CHD9: variants seen among roughly 807,000 people sequenced by gnomAD.
CHD9 encodes the protein ATP-dependent chromatin remodeler CHD9.
A neutral mutation model predicts 316.1 loss-of-function variants in CHD9; 77 were observed. The ratio of observed to expected loss-of-function variants is 0.24; its 90% confidence interval spans 0.20 to 0.29. The LOEUF (loss-of-function observed/expected upper bound fraction) is 0.29. Ranked by LOEUF, CHD9 falls within the 10% of genes least tolerant of loss-of-function variation. CHD9 has a pLI of 1.00. For synonymous variants in CHD9, 1,129 were observed against 1,158.3 expected (o/e 0.97, Z 0.51); for missense variants, 2,763 against 3,438.1 (o/e 0.80, Z 4.91).
intron 1 of CHD9, among the ~76,000 whole-genome samples, 194 bp from the exon 2 acceptor site, chr16:53,155,732 A>G (rs2041474832): frequency 6.6e-6 from 1 of 152,156 alleles, no homozygotes; most frequent in Non-Finnish European, 1.5e-5. Context: ...CACCAGCTCT[A>G]GGTGACCCAC....
intron 1 of CHD9, among the ~76,000 whole-genome samples, chr16:53,125,220 T>TG (rs1555487462): frequency 3.1e-5 from 4 of 128,548 alleles, no homozygotes; most frequent in African/African-American, 1.5e-4. Context: ...AAGTTAGGAT[T>TG]TTTTTTTTTT....
intron 37 of CHD9, chr16:53,321,137 G>A (rs1280166820): frequency 1.2e-6 from 1 of 833,060 alleles, no homozygotes; most frequent in East Asian, 6.2e-5. Context: ...TATGAGGGAA[G>A]TATTATTGTT....
rs543448126 is a variant in CHD9, at chr16:53,097,575, A to G, written c.-165+42498A>G. On this transcript the variant is annotated intron_variant, in intron 1 of 38. Coordinates refer to ENST00000447540, the MANE Select transcript of CHD9 (RefSeq NM_001308319.2). Reference sequence around the variant, plus strand: ...CCACCGTACCTGGTCTGTTGTGTCTATTATTGACCCACAAGGGCAGAGATA... The same window carrying G: ...CCACCGTACCTGGTCTGTTGTGTCTGTTATTGACCCACAAGGGCAGAGATA... Among the ~76,000 whole-genome samples, 15 of 152,188 alleles carry G rather than the reference A, an allele frequency of 9.9e-5. No individual in the cohort carries two copies. In the South Asian group the frequency reaches 2.5e-3, roughly 25 times the overall value.
Position 53,304,397 on chromosome 16 carries a change from A to G in CHD9, c.6391A>G (p.Ser2131Gly), listed in dbSNP as rs2055727315. ...PRVHKRGSESSSDSDSDSERS... is the reference protein window; with the variant it reads ...PRVHKRGSESGSDSDSDSERS... ...AGTCCACAAAAGGGGATCAGAATCT[A>G]GTTCTGATTCTGACTCAGATTCTGA... is the stretch of plus-strand genomic sequence containing the variant. Residue 2131 changes from serine to glycine, a missense_variant, in exon 31 of 39, where the codon AGT becomes GGT. Ser to Gly is a moderately conservative substitution (Grantham distance 56). Coordinates refer to ENST00000447540, the MANE Select transcript of CHD9 (RefSeq NM_001308319.2). The G allele has an allele frequency of 6.2e-7, 1 of 1,610,676 alleles. No homozygotes were observed. Among genetic ancestry groups the G allele is most frequent in the East Asian group, 2.2e-5 (1 of 44,810 alleles).
intron 12 of CHD9, among the ~76,000 whole-genome samples, chr16:53,241,202 C>G (rs939545817): frequency 6.6e-6 from 1 of 152,076 alleles, no homozygotes; most frequent in Non-Finnish European, 1.5e-5. Flanking sequence ...CACTTAATAC[C>G]CAATAGCTTA....
chr16:53,076,324 C>T (rs956542776), intron 1 of CHD9, among the ~76,000 whole-genome samples: 10 of 152,098 alleles, frequency 6.6e-5, no homozygotes, highest in Admixed American at 1.3e-4. Context: ...CCTGTAATCA[C>T]AGCACTTTGG....
intron 1 of CHD9, among the ~76,000 whole-genome samples, chr16:53,126,582 G>A (rs1416642005): frequency 7.7e-6 from 1 of 129,564 alleles, no homozygotes; most frequent in Non-Finnish European, 1.6e-5. Context: ...GCAGTTTCAG[G>A]ATCCTTTTTT....
intron 1 of CHD9, among the ~76,000 whole-genome samples, chr16:53,074,974 A>G (rs753052871): frequency 1.3e-5 from 2 of 152,244 alleles, no homozygotes; most frequent in Non-Finnish European, 2.9e-5. Flanking sequence ...GAAAAGCCAC[A>G]GACAACACCA....
At chr16:53,131,670 G>A (rs1218234355) in intron 1 of CHD9, among the ~76,000 whole-genome samples, 2 of 152,022 alleles carry the variant, frequency 1.3e-5, no homozygotes, top group African/African-American at 4.8e-5. Flanking sequence ...CCCCGGGTTG[G>A]GTTCCCTCCC....
At position 53,245,225 on chromosome 16, in the gene CHD9, G is replaced by A. The variant is rs1017438641; in HGVS notation, c.3055-111G>A. The A allele has an allele frequency of 2.9e-6, 2 of 695,562 alleles. No homozygotes were observed. The highest frequency in any genetic ancestry group is 2.5e-5 in the South Asian group (1 of 40,684). 43.1% of individuals were successfully genotyped at this position (695,562 alleles called of 1,614,324 possible). A position where few individuals can be genotyped will look rare whatever the true frequency, so the allele number is the denominator to read the frequency against. Reference sequence around the variant, plus strand: ...ACACACACACATAACATATATATATGTATATATAGTCAGAAAAATATTTGC... The same window carrying A: ...ACACACACACATAACATATATATATATATATATAGTCAGAAAAATATTTGC... On this transcript the variant is annotated intron_variant, in intron 13 of 38. Transcript: ENST00000447540. The surrounding 1 kb of genome is among the most constrained non-coding windows in gnomAD (Gnocchi z 4.1).
At chr16:53,253,532 A>G (rs2050304810) in intron 17 of CHD9, among the ~76,000 whole-genome samples, 2 of 152,206 alleles carry the variant, frequency 1.3e-5, no homozygotes, top group South Asian at 4.1e-4. Flanking sequence ...AATCTCACAA[A>G]TTACTACTAA....
intron 2 of CHD9, among the ~76,000 whole-genome samples, chr16:53,192,066 CAAA>C (rs563995905): frequency 1.4e-5 from 1 of 69,838 alleles, no homozygotes; most frequent in Non-Finnish European, 3.3e-5. Context: ...GACTCCATCT[CAAA>C]AAAAAAAAAA....
At chr16:53,118,376 C>T (rs935168164) in intron 1 of CHD9, among the ~76,000 whole-genome samples, 26 of 152,100 alleles carry the variant, frequency 1.7e-4, no homozygotes, top group African/African-American at 5.3e-4. Flanking sequence ...GAGATCACAC[C>T]GCTGCACTCC....
At chr16:53,239,212 G>A (rs1193307673) in intron 12 of CHD9, among the ~76,000 whole-genome samples, 3 of 151,962 alleles carry the variant, frequency 2.0e-5, no homozygotes, top group Admixed American at 2.0e-4. Context: ...TTTAGGAAGG[G>A]ATTTCCTATC....
chr16:53,246,356 ACT>A (rs1444843934), intron 15 of CHD9, among the ~76,000 whole-genome samples: 2 of 152,152 alleles, frequency 1.3e-5, no homozygotes, highest in African/African-American at 2.4e-5. Context: ...TAGTTACAGT[ACT>A]CTCTTATGGC....
Position 53,116,064 on chromosome 16 carries a change from CT to C in CHD9, c.-164-39855del, listed in dbSNP as rs968264101. Among the ~76,000 whole-genome samples, 12 of 152,088 alleles carry C rather than the reference CT, an allele frequency of 7.9e-5. No homozygotes were observed. The South Asian group carries it at 1.9e-3, about 24-fold the overall frequency. ...ATACCAGCCTGACATTTTCTTTTTG[CT>C]TTTTTTCTTTTTGAGACAGAGTCTC... On this transcript the variant is annotated intron_variant, in intron 1 of 38. Transcript: ENST00000447540.
At chr16:53,088,764 G>A (rs1254935112) in intron 1 of CHD9, among the ~76,000 whole-genome samples, 1 of 152,038 alleles carries the variant, frequency 6.6e-6, no homozygotes, top group Non-Finnish European at 1.5e-5. Context: ...AGGATCGCTT[G>A]AGGCCAGGAG....
intron 8 of CHD9, among the ~76,000 whole-genome samples, 160 bp from the exon 9 acceptor site, chr16:53,231,259 C>T (rs1185571325): frequency 6.6e-6 from 1 of 152,102 alleles, no homozygotes; most frequent in Admixed American, 6.6e-5. Context: ...TCATGTTATC[C>T]TAGCTATCAT....
At chr16:53,263,778 T>C (rs562117426) in intron 20 of CHD9, among the ~76,000 whole-genome samples, 7 of 152,274 alleles carry the variant, frequency 4.6e-5, no homozygotes, top group Admixed American at 2.6e-4. Context: ...ATAAGTATTA[T>C]TGTTGAATGC....
Sources: gnomAD v4.1 joint callset for allele counts (sites outside exome capture counted in the v4.1 genomes callset) on GRCh38, gnomAD v4.1.1 for gene constraint, Gnocchi (gnomAD v3.1) non-coding constraint, MANE v1.5 for transcripts, NCBI Gene and HGNC (gene_info 2026-07-23, HGNC 2026-07-21) for gene names.